Variants in PDHX observed in about 807,000 individuals in gnomAD.
The protein encoded by PDHX is pyruvate dehydrogenase complex component X, also known as pyruvate dehydrogenase protein X component, mitochondrial.
In PDHX, 33 loss-of-function variants were observed where a neutral mutation model predicts 55.3. The ratio of observed to expected loss-of-function variants is 0.60; its 90% CI spans 0.45 to 0.80. The LOEUF is 0.80. Among genes scored for constraint, PDHX ranks in the 30% least tolerant of loss-of-function variants. The pLI, the probability that PDHX is intolerant of heterozygous loss-of-function variation, is 0.00. For missense variants in PDHX, 622 were observed against 619.9 expected (o/e 1.00, Z -0.04); for synonymous variants, 226 against 219.4 (o/e 1.03, Z -0.27).
intron 7 of PDHX, among the ~76,000 whole-genome samples, chr11:34,971,610 A>C (rs1050494788): frequency 6.6e-6 from 1 of 152,184 alleles, no homozygotes; most frequent in African/African-American, 2.4e-5. Context: ...ATGTTGAATC[A>C]ACTTTGTATT....
chr11:34,932,166 A>G (rs368676132), intron 2 of PDHX, among the ~76,000 whole-genome samples: 2 of 152,174 alleles, frequency 1.3e-5, no homozygotes, highest in South Asian at 2.1e-4. Context: ...TTAATGTATA[A>G]AAATGAAACT....
intron 2 of PDHX, among the ~76,000 whole-genome samples, chr11:34,942,514 A>G (rs867007708): frequency 2.0e-5 from 3 of 152,186 alleles, no homozygotes; most frequent in Non-Finnish European, 4.4e-5. Flanking sequence ...AATCAAACTC[A>G]TATTTGAATT....
chr11:34,920,413 AAGGAAGCTAGTAATCT>A (rs1293426956), intron 1 of PDHX, among the ~76,000 whole-genome samples: 2 of 152,220 alleles, frequency 1.3e-5, no homozygotes, highest in Non-Finnish European at 2.9e-5. Flanking sequence ...AAACATATCT[AAGGAAGCTAGTAATCT>A]AGGAAGTTAT....
chr11:34,923,022 G>A (rs1159560755), intron 1 of PDHX, among the ~76,000 whole-genome samples: 2 of 152,110 alleles, frequency 1.3e-5, no homozygotes, highest in African/African-American at 4.8e-5. Context: ...AAGAAGGACA[G>A]TATTCCAAGC....
At position 34,916,762 on chromosome 11, in the gene PDHX, CT is replaced by C; in HGVS notation, c.108del (p.Val37Ter). The part of the protein sequence containing the change: ...VGLVKGALGW[S>X]VSRGANWRWF... ...CTGGTGAAGGGGGCTCTTGGGTGGT[CT>C]GTAAGCCGCGGAGCTAATTGGAGAT... On this transcript the variant is annotated frameshift_variant, in exon 1 of 11. Transcript: ENST00000227868. LOFTEE classifies it high-confidence loss of function. 6.2e-7 allele frequency: 1 copy of C among 1,610,102 alleles called. No homozygotes were observed. Among genetic ancestry groups the C allele is most frequent in the Non-Finnish European group, 8.5e-7 (1 of 1,178,482 alleles).
chr11:34,943,889 A>T (rs1854555869), intron 2 of PDHX, among the ~76,000 whole-genome samples: 1 of 152,012 alleles, frequency 6.6e-6, no homozygotes, highest in South Asian at 2.1e-4. Context: ...CCCCTCCTGA[A>T]CATTCCCAAA....
chr11:34,945,722 A>G (rs1298134419), intron 2 of PDHX, among the ~76,000 whole-genome samples: 6 of 152,074 alleles, frequency 3.9e-5, no homozygotes, highest in African/African-American at 1.2e-4. Flanking sequence ...ATATAGTCTA[A>G]TACTCTTTTT....
chr11:34,968,354 G>T (rs12292363), intron 6 of PDHX, among the ~76,000 whole-genome samples: 11,469 of 151,772 alleles, frequency 0.076, 444 homozygotes, highest in African/African-American at 0.092. Flanking sequence ...ACTTGACCAA[G>T]TACTTTGCTA....
chr11:34,939,150 A>G (rs574292715), intron 2 of PDHX, among the ~76,000 whole-genome samples: 1 of 151,368 alleles, frequency 6.6e-6, no homozygotes, highest in South Asian at 2.1e-4. Flanking sequence ...CATTCATTTT[A>G]TATTAAAAAC....
chr11:34,978,096 A>G lies in PDHX; in HGVS notation c.965-28A>G, dbSNP rs746248315. ...ATGTTAAAGTTATATTAGGAATACTAATTTTACTAACCTTATTTTTCTTTC... is the reference window on the plus strand; with the variant it reads ...ATGTTAAAGTTATATTAGGAATACTGATTTTACTAACCTTATTTTTCTTTC... On this transcript the variant is annotated intron_variant, in intron 7 of 10. Transcript: ENST00000227868. 3.3e-6 allele frequency: 4 copies of G among 1,222,310 alleles called. No individual in the cohort carries two copies. In the East Asian group the frequency reaches 9.3e-5, roughly 28 times the overall value. 75.7% of individuals were successfully genotyped at this position (1,222,310 alleles called of 1,614,324 possible).
At chr11:34,994,817 C>T in intron 10 of PDHX, 97 bp from the exon 11 acceptor site, 1 of 1,370,180 alleles carries the variant, frequency 7.3e-7, no homozygotes, top group Non-Finnish European at 1.0e-6. Context: ...TCTTGCCTTA[C>T]TACACTGCCT....
At chr11:34,985,840 G>A (rs1855629779) in intron 9 of PDHX, among the ~76,000 whole-genome samples, 1 of 152,082 alleles carries the variant, frequency 6.6e-6, no homozygotes, top group Non-Finnish European at 1.5e-5. Flanking sequence ...AGAAATAAGT[G>A]CAAGTTAATC....
At chr11:34,923,019 A>C (rs1326945) in intron 1 of PDHX, among the ~76,000 whole-genome samples, 119,189 of 151,890 alleles carry the variant, frequency 0.78, 46,914 homozygotes, top group East Asian at 0.83. Flanking sequence ...ACCAAGAAGG[A>C]CAGTATTCCA....
At chr11:34,974,807 C>G (rs992131411) in intron 7 of PDHX, among the ~76,000 whole-genome samples, 2 of 152,142 alleles carry the variant, frequency 1.3e-5, no homozygotes, top group African/African-American at 4.8e-5. Flanking sequence ...ACTTGGGAGA[C>G]TGAGGTGGGA....
chr11:34,922,073 C>CT (rs761523503), intron 1 of PDHX, among the ~76,000 whole-genome samples: 2 of 152,106 alleles, frequency 1.3e-5, no homozygotes, highest in Non-Finnish European at 2.9e-5. Flanking sequence ...TCTTGGATGT[C>CT]TTTTTTGCAG....
intron 7 of PDHX, among the ~76,000 whole-genome samples, chr11:34,971,929 G>A (rs1855266085): frequency 2.6e-5 from 4 of 151,826 alleles, no homozygotes; most frequent in Admixed American, 2.6e-4. Context: ...TTTAAAAATG[G>A]GTGCAGCTTT....
chr11:34,981,512 A>G (rs1855513279), intron 8 of PDHX, among the ~76,000 whole-genome samples: 1 of 152,184 alleles, frequency 6.6e-6, no homozygotes, highest in African/African-American at 2.4e-5. Context: ...TTGGGTATAT[A>G]CCCAGTAAAG....
At chr11:34,980,784 G>A (rs781053174) in intron 8 of PDHX, among the ~76,000 whole-genome samples, 2 of 152,090 alleles carry the variant, frequency 1.3e-5, no homozygotes, top group Non-Finnish European at 2.9e-5. Context: ...GTGGTCACAA[G>A]TAAAATGGGA....
At chr11:34,951,766 C>G (rs937550746) in intron 3 of PDHX, among the ~76,000 whole-genome samples, 24 of 152,120 alleles carry the variant, frequency 1.6e-4, no homozygotes, top group Non-Finnish European at 2.8e-4. Context: ...ACATGAAGTC[C>G]TTGCCCATGC....
Sources: allele counts gnomAD v4.1 joint callset (sites outside exome capture counted in the v4.1 genomes callset), GRCh38; gene constraint gnomAD v4.1.1; transcripts MANE v1.5; gene names NCBI Gene and HGNC (gene_info 2026-07-23, HGNC 2026-07-21).